Variants in ACYP2 observed in about 807,000 individuals in gnomAD.
ACYP2 encodes acylphosphatase-2.
In ACYP2, 12 loss-of-function variants were observed where a neutral mutation model predicts 11.2. The observed-to-expected ratio is 1.08, with a 90% confidence interval of 0.69 to 1.74. The LOEUF (loss-of-function observed/expected upper bound fraction) is 1.74, where lower values mean the gene tolerates loss of function less well. Ranked by LOEUF, ACYP2 falls within the 40% of genes most tolerant of loss-of-function variation. The probability of loss-of-function intolerance (pLI) is 0.00; values close to 1 mark genes in which losing one functional copy is unlikely to be tolerated. For synonymous variants in ACYP2, 43 were observed against 32.2 expected, an observed-to-expected ratio of 1.33 and a Z score of -1.13; for missense variants, 134 against 101.9, an observed-to-expected ratio of 1.31 and a Z score of -1.35.
chr2:54,093,726 G>A (rs1378205875), intron 4 of ACYP2, among the ~76,000 whole-genome samples: 1 of 152,120 alleles, frequency 6.6e-6, no homozygotes, highest in Non-Finnish European at 1.5e-5. Context: ...GGATCACGAG[G>A]TCAGGAGATC....
At chr2:54,201,251 G>A (rs1356955642) in intron 6 of ACYP2, among the ~76,000 whole-genome samples, 4 of 151,928 alleles carry the variant, frequency 2.6e-5, no homozygotes, top group Non-Finnish European at 4.4e-5. Flanking sequence ...GACCATAGGC[G>A]CCCGCCACCA....
At chr2:54,255,579 G>C in intron 6 of ACYP2, 1 of 1,497,994 alleles carries the variant, frequency 6.7e-7, no homozygotes, top group South Asian at 1.1e-5. Flanking sequence ...GCCCGGGCCC[G>C]GGCCCAGGCC....
chr2:54,047,117 G>T (rs570142452), intron 2 of ACYP2, among the ~76,000 whole-genome samples: 2 of 152,330 alleles, frequency 1.3e-5, no homozygotes, highest in East Asian at 3.9e-4. Context: ...AGCAAGGCTG[G>T]ATAACTGTTT....
intron 6 of ACYP2, among the ~76,000 whole-genome samples, chr2:54,192,162 G>A (rs1353006895): frequency 2.0e-5 from 3 of 152,076 alleles, no homozygotes; most frequent in Non-Finnish European, 4.4e-5. Flanking sequence ...GTATATATGT[G>A]TGTATATACA....
At chr2:53,995,863 T>G (rs1672548644) in intron 2 of ACYP2, among the ~76,000 whole-genome samples, 1 of 152,134 alleles carries the variant, frequency 6.6e-6, no homozygotes, top group Admixed American at 6.5e-5. Flanking sequence ...CTGGGCACGG[T>G]CGTTCACGCC....
chr2:54,235,441 C>T (rs888931050), intron 6 of ACYP2, among the ~76,000 whole-genome samples: 3 of 152,106 alleles, frequency 2.0e-5, no homozygotes, highest in Non-Finnish European at 2.9e-5. Context: ...CTCCGCCTCC[C>T]GGGTTCACAC....
chr2:54,273,427 T>C (rs1225246571), intron 6 of ACYP2, among the ~76,000 whole-genome samples: 1 of 152,224 alleles, frequency 6.6e-6, no homozygotes, highest in Admixed American at 6.5e-5. Context: ...TTTTTAAACT[T>C]AAAATCTCAT....
chr2:54,033,512 C>T lies in ACYP2; in HGVS notation c.63-17446C>T, dbSNP rs147035140. 7.2e-5 allele frequency among the ~76,000 whole-genome samples: 11 copies of T among 152,228 alleles called. No individual in the cohort carries two copies. The East Asian group carries it at 2.1e-3, about 29-fold the overall frequency. ...ACAGGTGTGAGCCACAATGCCTGGC[C>T]TATCCACACATTTCTATATGAATTT... On this transcript the variant is annotated intron_variant, in intron 2 of 6. Coordinates refer to ENST00000607452, the MANE Select transcript of ACYP2 (RefSeq NM_001320586.2).
At position 54,057,298 on chromosome 2, in the gene ACYP2, A is replaced by G. The variant is rs1348571197; in HGVS notation, c.215A>G (p.Glu72Gly). The G allele has an allele frequency of 7.5e-6, 3 of 398,004 alleles. No individual in the cohort carries two copies. The highest frequency in any genetic ancestry group is 3.6e-5 in the East Asian group (1 of 27,968). 24.7% of individuals were successfully genotyped at this position (398,004 alleles called of 1,614,324 possible). Reference sequence around the variant, plus strand: ...GGTCAAGTCATAATTGTGAGTGAAGAACCATGGAAGGAGAACATTTCTTGC... The same window carrying G: ...GGTCAAGTCATAATTGTGAGTGAAGGACCATGGAAGGAGAACATTTCTTGC... The change falls in exon 4 of 7, where the codon GAA becomes GGA. Residue 72 changes from glutamate (E) to glycine (G), a missense_variant. Coordinates refer to ENST00000607452, the MANE Select transcript of ACYP2 (RefSeq NM_001320586.2).
At chr2:54,095,360 C>T (rs892444633) in intron 4 of ACYP2, among the ~76,000 whole-genome samples, 2 of 152,268 alleles carry the variant, frequency 1.3e-5, no homozygotes, top group African/African-American at 4.8e-5. Context: ...TCCACCAAAC[C>T]GCCATTGTCA....
intron 6 of ACYP2, among the ~76,000 whole-genome samples, chr2:54,186,495 A>C (rs1684002888): frequency 6.6e-6 from 1 of 152,142 alleles, no homozygotes; most frequent in Admixed American, 6.5e-5. Flanking sequence ...ATATATAAAT[A>C]GCATTTTGTT....
rs556548309 is a variant in ACYP2, at chr2:54,040,100, T to G, written c.63-10858T>G. Among the ~76,000 whole-genome samples the G allele has an allele frequency of 3.3e-5, 5 of 152,178 alleles. No individual in the cohort carries two copies. The East Asian group carries it at 9.7e-4, about 29-fold the overall frequency. ...TAGTTTGGAGGTTCCCACAGTAATT[T>G]AGGTAAAAGACAGCAGTGGTAGTAG... is the stretch of plus-strand genomic sequence containing the variant. On this transcript the variant is annotated intron_variant, in intron 2 of 6. Coordinates refer to ENST00000607452, the MANE Select transcript of ACYP2 (RefSeq NM_001320586.2).
At chr2:54,303,953 T>C (rs569355979) in intron 6 of ACYP2, among the ~76,000 whole-genome samples, 1 of 152,332 alleles carries the variant, frequency 6.6e-6, no homozygotes, top group East Asian at 1.9e-4. Context: ...AGGCCTGAAC[T>C]ATATAGGAAA....
chr2:54,034,265 G>A (rs1294750194), intron 2 of ACYP2, among the ~76,000 whole-genome samples: 1 of 152,156 alleles, frequency 6.6e-6, no homozygotes, highest in Non-Finnish European at 1.5e-5. Flanking sequence ...GGCTGAGGCA[G>A]GAGAATTGCT....
chr2:54,055,523 T>C (rs900322845), intron 3 of ACYP2, among the ~76,000 whole-genome samples: 2 of 152,198 alleles, frequency 1.3e-5, no homozygotes, highest in Admixed American at 1.3e-4. Context: ...CAAAAATCCT[T>C]GTGAGGTAGA....
At chr2:54,301,554 G>A (rs983087864) in intron 6 of ACYP2, among the ~76,000 whole-genome samples, 3 of 151,914 alleles carry the variant, frequency 2.0e-5, no homozygotes, top group African/African-American at 7.3e-5. Context: ...AATGACTTGC[G>A]TAAAGTCCTA....
chr2:54,069,829 G>A (rs895045787), intron 4 of ACYP2, among the ~76,000 whole-genome samples: 1 of 152,214 alleles, frequency 6.6e-6, no homozygotes, highest in African/African-American at 2.4e-5. Context: ...TGACATAATT[G>A]TAGTTAGCAA....
chr2:54,203,302 T>C (rs1171937665), intron 6 of ACYP2, among the ~76,000 whole-genome samples: 1 of 152,216 alleles, frequency 6.6e-6, no homozygotes, highest in Non-Finnish European at 1.5e-5. Flanking sequence ...AATTTATTTT[T>C]GTATTTGATC....
intron 6 of ACYP2, among the ~76,000 whole-genome samples, chr2:54,216,692 C>A (rs914011591): frequency 5.9e-5 from 9 of 152,148 alleles, no homozygotes; most frequent in African/African-American, 2.2e-4. Flanking sequence ...CACACACCAC[C>A]ACACCTGGCT....
Sources: allele counts gnomAD v4.1 joint callset (sites outside exome capture counted in the v4.1 genomes callset), GRCh38; gene constraint gnomAD v4.1.1; transcripts MANE v1.5; gene names NCBI Gene and HGNC (gene_info 2026-07-23, HGNC 2026-07-21).